The following GTF3C5 variants were observed in gnomAD, a reference collection of about 807,000 sequenced individuals.
GTF3C5 encodes the protein general transcription factor 3C polypeptide 5.
In GTF3C5, 47 loss-of-function variants were observed where a neutral mutation model predicts 61.0. The ratio of observed to expected loss-of-function variants is 0.77; its 90% CI spans 0.61 to 0.98. The LOEUF (loss-of-function observed/expected upper bound fraction) is 0.98, where lower values mean the gene tolerates loss of function less well. Among genes scored for constraint, GTF3C5 ranks in the 50% least tolerant of loss-of-function variants. The probability of loss-of-function intolerance (pLI) is 0.00; values close to 1 mark genes in which losing one functional copy is unlikely to be tolerated. For synonymous variants in GTF3C5, 295 were observed against 275.4 expected (o/e 1.07, Z -0.71); for missense variants, 659 against 703.3 (o/e 0.94, Z 0.71).
intron 3 of GTF3C5, among the ~76,000 whole-genome samples, chr9:133,049,050 G>C (rs147229975): frequency 7.2e-5 from 11 of 152,220 alleles, no homozygotes; most frequent in Non-Finnish European, 1.5e-4. Flanking sequence ...TGACGGGGTC[G>C]TCCTAACTGG....
chr9:133,043,979 C>A, intron 3 of GTF3C5, 53 bp downstream of exon 3: 1 of 1,377,900 alleles, frequency 7.3e-7, no homozygotes, highest in Non-Finnish European at 1.0e-6. Flanking sequence ...ATGGGATGGT[C>A]CGGGCACGGA....
chr9:133,035,313 G>A (rs1849835801), intron 1 of GTF3C5, among the ~76,000 whole-genome samples: 2 of 152,178 alleles, frequency 1.3e-5, no homozygotes, highest in Admixed American at 6.5e-5. Context: ...GGGCATTTCG[G>A]TGTAATCAAT....
In GTF3C5 at chr9:133,058,011, G is replaced by A. The variant is rs1407262400; in HGVS notation, c.*31G>A. On this transcript the variant is annotated 3_prime_UTR_variant, in exon 11 of 11. Transcript: ENST00000372097. ...CCCAAGGCTGGGCCTCCCTGACCCG[G>A]CCAGACTGGTGTCTGGCCTAATGAG... The A allele has an allele frequency of 1.2e-6, 2 of 1,612,554 alleles. No homozygotes were observed. Among genetic ancestry groups the A allele is most frequent in the Non-Finnish European group, 1.7e-6 (2 of 1,179,444 alleles).
rs1243487928 is a variant in GTF3C5 at position 133,043,914 on chromosome 9, A to AGACCCAGCACCGGTAAG, written c.562_572+6dup. The AGACCCAGCACCGGTAAG allele has an allele frequency of 8.1e-6, 13 of 1,613,576 alleles. No homozygotes were observed. The highest frequency in any genetic ancestry group is 1.1e-5 in the Non-Finnish European group (13 of 1,179,608). On this transcript the variant is annotated stop_gained and frameshift_variant, in exon 3 of 11. Coordinates refer to ENST00000372097, the MANE Select transcript of GTF3C5 (RefSeq NM_012087.4). LOFTEE classifies it high-confidence loss of function. ...CCGGTGGACTACTTCTACCGACCAG[A>AGACCCAGCACCGGTAAG]GACCCAGCACCGGTAAGGCCCCCCT...
chr9:133,031,115 A>T lies in GTF3C5; in HGVS notation c.104A>T (p.Asp35Val), dbSNP rs996957247. 6.2e-7 allele frequency: 1 copy of T among 1,602,858 alleles called. No homozygotes were observed. The highest frequency in any genetic ancestry group is 8.5e-7 in the Non-Finnish European group (1 of 1,174,204). The change falls in exon 1 of 11, where the codon GAT becomes GTT. Residue 35 changes from aspartate (D) to valine (V), a missense_variant. By Grantham distance (152) the Asp-to-Val change is radical. Transcript: ENST00000372097. Reference sequence around the variant, plus strand: ...GTGGAGTACCCGGGAGTGGTGCGTGATGTGGCTAAGATGCTGCCGACTCTG... The same window carrying T: ...GTGGAGTACCCGGGAGTGGTGCGTGTTGTGGCTAAGATGCTGCCGACTCTG... ...VCVEYPGVVR[D>V]VAKMLPTLGG... is the part of the protein sequence containing the mutation.
In GTF3C5 at chr9:133,058,109, TC is replaced by T. The variant is rs576084254; in HGVS notation, c.*132del. The T allele has an allele frequency of 7.1e-4, 1,075 of 1,514,624 alleles. 6 individuals carry two copies. The African/African-American group carries it at 0.012, about 17-fold the overall frequency. 93.8% of individuals were successfully genotyped at this position (1,514,624 alleles called of 1,614,324 possible). A position where few individuals can be genotyped will look rare whatever the true frequency, so the allele number is the denominator to read the frequency against. ...GGAGGCCCTCTGAGGAGAGCTAGAG[TC>T]CCAGCAAAGGGTGCAGCTGACCCTA... is the stretch of plus-strand genomic sequence containing the variant. On this transcript the variant is annotated 3_prime_UTR_variant, in exon 11 of 11. Coordinates refer to ENST00000372097, the MANE Select transcript of GTF3C5 (RefSeq NM_012087.4).
chr9:133,056,412 G>A (rs576377521), intron 9 of GTF3C5, among the ~76,000 whole-genome samples: 2 of 152,278 alleles, frequency 1.3e-5, no homozygotes, highest in South Asian at 2.1e-4. Flanking sequence ...ACCTTTTATC[G>A]ACTTGTTCTC....
chr9:133,033,802 C>T (rs1055465353), intron 1 of GTF3C5, among the ~76,000 whole-genome samples: 10 of 152,196 alleles, frequency 6.6e-5, no homozygotes, highest in Non-Finnish European at 1.5e-5. Context: ...TAATCCATTC[C>T]ATCCAGGCGT....
chr9:133,050,575 A>T (rs950426740), intron 3 of GTF3C5, among the ~76,000 whole-genome samples: 47 of 152,292 alleles, frequency 3.1e-4, no homozygotes, highest in African/African-American at 1.1e-3. Context: ...CTGAGTTGTC[A>T]TAGGCAGTTG....
chr9:133,032,488 C>G (rs540093593), intron 1 of GTF3C5, among the ~76,000 whole-genome samples: 66 of 152,228 alleles, frequency 4.3e-4, no homozygotes, highest in Admixed American at 3.9e-3. Context: ...GAACAAAGAA[C>G]AAGGGAGTTG....
At chr9:133,042,441 G>A in intron 2 of GTF3C5, 135 bp downstream of exon 2, 1 of 646,802 alleles carries the variant, frequency 1.5e-6, no homozygotes. Context: ...ACACAGCAGG[G>A]CACAGGCCCC....
In GTF3C5 at chr9:133,054,863, G is replaced by C. The variant is rs375380079; in HGVS notation, c.1167+54G>C. On this transcript the variant is annotated intron_variant, in intron 8 of 10. Transcript: ENST00000372097. ...GGGGAGGACTTCCCTCTTGGGGCCGGGCACCTTGTGGGTGACACCTGGGGG... is the reference window on the plus strand; with the variant it reads ...GGGGAGGACTTCCCTCTTGGGGCCGCGCACCTTGTGGGTGACACCTGGGGG... 1.4e-3 allele frequency: 2,228 copies of C among 1,540,252 alleles called. 24 individuals carry two copies. The South Asian group carries it at 0.017, about 12-fold the overall frequency.
At chr9:133,053,979 CTCTCTT>C (rs777077581) in intron 6 of GTF3C5, 37 bp downstream of exon 6, 1 of 1,189,344 alleles carries the variant, frequency 8.4e-7, no homozygotes, top group Non-Finnish European at 1.2e-6. Flanking sequence ...CTGCCTTTCT[CTCTCTT>C]TATCTTTCAG....
intron 6 of GTF3C5, 104 bp downstream of exon 6, chr9:133,054,046 A>G: frequency 4.8e-6 from 4 of 836,092 alleles, no homozygotes; most frequent in Non-Finnish European, 7.6e-6. Flanking sequence ...GAAAGAATAA[A>G]AAAACCTTTT....
chr9:133,051,008 G>A, intron 4 of GTF3C5, 30 bp downstream of exon 4: 1 of 1,521,162 alleles, frequency 6.6e-7, no homozygotes, highest in South Asian at 1.2e-5. Context: ...TGGCCCCGGT[G>A]GCTCCAGCCT....
chr9:133,038,294 G>A (rs1849935836), intron 1 of GTF3C5, among the ~76,000 whole-genome samples: 1 of 152,104 alleles, frequency 6.6e-6, no homozygotes, highest in African/African-American at 2.4e-5. Context: ...GGCTGAAGGG[G>A]AGAGTCTACC....
chr9:133,034,740 A>G (rs1564194218), intron 1 of GTF3C5, among the ~76,000 whole-genome samples: 1 of 152,178 alleles, frequency 6.6e-6, no homozygotes, highest in Admixed American at 6.5e-5. Context: ...GGTGTGCTGG[A>G]AACTCTAGAG....
intron 1 of GTF3C5, among the ~76,000 whole-genome samples, chr9:133,035,045 T>C (rs930220003): frequency 1.3e-5 from 2 of 152,078 alleles, no homozygotes; most frequent in African/African-American, 2.4e-5. Flanking sequence ...CCACTCTTCC[T>C]GATGAAGGTG....
Position 133,043,908 on chromosome 9 carries a change from G to T in GTF3C5, c.554G>T (p.Arg185Leu), listed in dbSNP as rs754188625. The T allele has an allele frequency of 3.1e-6, 5 of 1,613,628 alleles. No individual in the cohort carries two copies. The highest frequency in any genetic ancestry group is 4.2e-6 in the Non-Finnish European group (5 of 1,179,680). ...RLDAPVDYFY[R>L]PETQHREGYN... ...GACGCCCCGGTGGACTACTTCTACC[G>T]ACCAGAGACCCAGCACCGGTAAGGC... is the stretch of plus-strand genomic sequence containing the variant. The change falls in exon 3 of 11, where the codon CGA (arginine) becomes CTA (leucine). Residue 185 changes from arginine to leucine, a missense_variant. By Grantham distance (102) the Arg-to-Leu change is moderately radical. Coordinates refer to ENST00000372097, the MANE Select transcript of GTF3C5 (RefSeq NM_012087.4).
Sources: allele counts gnomAD v4.1 joint callset (sites outside exome capture counted in the v4.1 genomes callset), GRCh38; gene constraint gnomAD v4.1.1; transcripts MANE v1.5; gene names NCBI Gene and HGNC (gene_info 2026-07-23, HGNC 2026-07-21).